The following NELL1 variants were observed in gnomAD, a reference collection of about 807,000 sequenced individuals.
The protein encoded by NELL1 is neural EGFL like 1.
NELL1 carries 76 observed loss-of-function variants against 107.4 expected under a neutral mutation model. The observed-to-expected ratio is 0.71, with a 90% CI of 0.59 to 0.86. The LOEUF (loss-of-function observed/expected upper bound fraction) is 0.86. NELL1 is among the 40% of genes least tolerant of loss of function. The pLI is 0.00. For missense variants in NELL1, 1,024 were observed against 1,005.5 expected (o/e 1.02, Z -0.25); for synonymous variants, 353 against 341.2 (o/e 1.03, Z -0.38).
At chr11:20,868,556 A>G (rs1849137495) in intron 4 of NELL1, among the ~76,000 whole-genome samples, 1 of 152,188 alleles carries the variant, frequency 6.6e-6, no homozygotes, top group South Asian at 2.1e-4. Flanking sequence ...TAAACATCAC[A>G]ATTTAAAAAA....
At chr11:21,052,834 G>A (rs1853528145) in intron 12 of NELL1, among the ~76,000 whole-genome samples, 2 of 152,106 alleles carry the variant, frequency 1.3e-5, no homozygotes, top group African/African-American at 4.8e-5. Flanking sequence ...AAGGAGTCCA[G>A]TGTCTGTGGG....
At chr11:20,991,547 G>T (rs1401328297) in intron 12 of NELL1, among the ~76,000 whole-genome samples, 1 of 152,076 alleles carries the variant, frequency 6.6e-6, no homozygotes, top group African/African-American at 2.4e-5. Flanking sequence ...ATCCAGATTG[G>T]TCTGATTCCA....
At chr11:20,903,800 A>G (rs928299100) in intron 5 of NELL1, among the ~76,000 whole-genome samples, 2 of 152,118 alleles carry the variant, frequency 1.3e-5, no homozygotes, top group African/African-American at 2.4e-5. Context: ...ACAAGCAGAA[A>G]TTGTCAGAAC....
intron 3 of NELL1, among the ~76,000 whole-genome samples, chr11:20,828,368 C>A (rs1857930416): frequency 6.6e-6 from 1 of 152,120 alleles, no homozygotes; most frequent in Non-Finnish European, 1.5e-5. Context: ...TTAAAATTAG[C>A]CATATTTGAA....
intron 15 of NELL1, among the ~76,000 whole-genome samples, chr11:21,485,742 T>A (rs1408718771): frequency 6.6e-6 from 1 of 151,824 alleles, no homozygotes; most frequent in Non-Finnish European, 1.5e-5. Context: ...ATCCCATTCC[T>A]GCCTATTACA....
chr11:21,302,604 G>T (rs1332412739), intron 14 of NELL1, among the ~76,000 whole-genome samples: 5 of 151,982 alleles, frequency 3.3e-5, no homozygotes, highest in Non-Finnish European at 2.9e-5. Flanking sequence ...AAATGTAGGG[G>T]AATGGTTTCC....
chr11:21,431,840 A>G (rs1332757476), intron 15 of NELL1, among the ~76,000 whole-genome samples: 1 of 151,974 alleles, frequency 6.6e-6, no homozygotes, highest in African/African-American at 2.4e-5. Context: ...GCTGTTTCTC[A>G]ACAGGAGTAA....
chr11:20,690,808 A>C (rs1854443989), intron 2 of NELL1, among the ~76,000 whole-genome samples: 4 of 150,418 alleles, frequency 2.7e-5, no homozygotes, highest in Admixed American at 2.0e-4. Flanking sequence ...AGTTTTTTCC[A>C]ATTCTGTGAA....
At chr11:21,392,284 T>C (rs1851896506) in intron 15 of NELL1, among the ~76,000 whole-genome samples, 1 of 151,754 alleles carries the variant, frequency 6.6e-6, no homozygotes, top group South Asian at 2.1e-4. Context: ...TTAATTTTCC[T>C]ATTTTAGCTT....
At chr11:21,308,935 C>G (rs7930339) in intron 14 of NELL1, among the ~76,000 whole-genome samples, 2,713 of 151,846 alleles carry the variant, frequency 0.018, 91 homozygotes, top group African/African-American at 0.062. Context: ...CAAGAAGGCT[C>G]TAAAATGCCT....
intron 15 of NELL1, among the ~76,000 whole-genome samples, chr11:21,376,891 G>T (rs1372301946): frequency 6.6e-6 from 1 of 152,104 alleles, no homozygotes; most frequent in Admixed American, 6.6e-5. Context: ...TTTATACATT[G>T]ATTTTCTATC....
chr11:20,865,566 G>T (rs201142401), intron 4 of NELL1, among the ~76,000 whole-genome samples: 2 of 143,336 alleles, frequency 1.4e-5, no homozygotes, highest in African/African-American at 2.5e-5. Context: ...GATTTTTTTT[G>T]AATTTTATTA....
chr11:20,831,238 G>A (rs1470947878), intron 3 of NELL1, among the ~76,000 whole-genome samples: 1 of 152,078 alleles, frequency 6.6e-6, no homozygotes. Context: ...GCTGCTCATG[G>A]TGTGGCCTGC....
At chr11:20,931,815 G>A (rs1042916594) in intron 9 of NELL1, among the ~76,000 whole-genome samples, 3 of 151,918 alleles carry the variant, frequency 2.0e-5, no homozygotes, top group Admixed American at 6.6e-5. Flanking sequence ...GGAGCTGCCT[G>A]AAGTAAATTT....
At chr11:20,798,683 G>A (rs1857222739) in intron 3 of NELL1, among the ~76,000 whole-genome samples, 1 of 152,206 alleles carries the variant, frequency 6.6e-6, no homozygotes, top group Non-Finnish European at 1.5e-5. Context: ...ACCTCAGGCT[G>A]TCAGAACATT....
chr11:21,358,163 T>C (rs1208089832), intron 14 of NELL1, among the ~76,000 whole-genome samples: 2 of 152,226 alleles, frequency 1.3e-5, no homozygotes, highest in Non-Finnish European at 2.9e-5. Flanking sequence ...TTAGGATTGC[T>C]TTTTCTAGCT....
intron 16 of NELL1, among the ~76,000 whole-genome samples, chr11:21,548,358 A>T (rs1374947773): frequency 6.6e-6 from 1 of 151,942 alleles, no homozygotes; most frequent in Non-Finnish European, 1.5e-5. Flanking sequence ...CACTGCTGAT[A>T]AAGACATACC....
chr11:21,546,784 T>G (rs963617160), intron 16 of NELL1, among the ~76,000 whole-genome samples: 2 of 151,968 alleles, frequency 1.3e-5, no homozygotes, highest in African/African-American at 4.8e-5. Context: ...TATCTACAAT[T>G]TCTTTGAAAT....
At chr11:21,026,670 T>A (rs1852821814) in intron 12 of NELL1, among the ~76,000 whole-genome samples, 1 of 152,210 alleles carries the variant, frequency 6.6e-6, no homozygotes, top group Admixed American at 6.5e-5. Context: ...GTTTGTTGAA[T>A]GAATGAATAA....
Sources: gnomAD v4.1 joint callset for allele counts (sites outside exome capture counted in the v4.1 genomes callset) on GRCh38, gnomAD v4.1.1 for gene constraint, MANE v1.5 for transcripts, NCBI Gene and HGNC (gene_info 2026-07-23, HGNC 2026-07-21) for gene names.